The following FAM169A variants were observed in gnomAD, a reference collection of about 807,000 sequenced individuals.
The protein encoded by FAM169A is family with sequence similarity 169 member A.
In FAM169A, 24 loss-of-function variants were observed where a neutral mutation model predicts 75.7. The observed-to-expected ratio is 0.32, with a 90% CI of 0.23 to 0.45. The LOEUF (loss-of-function observed/expected upper bound fraction) is 0.45, where lower values mean the gene tolerates loss of function less well. Ranked by LOEUF, FAM169A falls within the 20% of genes least tolerant of loss-of-function variation. FAM169A has a pLI of 1.00. For missense variants in FAM169A, 673 were observed against 784.0 expected (o/e 0.86, Z 1.69); for synonymous variants, 271 against 271.0 (o/e 1.00, Z 0.00).
At chr5:74,830,656 A>C (rs1748265526) in intron 5 of FAM169A, among the ~76,000 whole-genome samples, 1 of 152,214 alleles carries the variant, frequency 6.6e-6, no homozygotes, top group Non-Finnish European at 1.5e-5. Flanking sequence ...TGTACCTGTC[A>C]CCATGACTAT....
At chr5:74,847,908 A>G (rs1212154615) in intron 1 of FAM169A, among the ~76,000 whole-genome samples, 1 of 152,198 alleles carries the variant, frequency 6.6e-6, no homozygotes, top group East Asian at 1.9e-4. Flanking sequence ...GAGTCTGACA[A>G]TTTAGATAAC....
chr5:74,811,844 T>G (rs1463735207), intron 6 of FAM169A, among the ~76,000 whole-genome samples: 1 of 152,136 alleles, frequency 6.6e-6, no homozygotes. Flanking sequence ...TAAAGATGAG[T>G]AAAGAAAGCA....
At chr5:74,841,256 C>T (rs1285905094) in intron 2 of FAM169A, among the ~76,000 whole-genome samples, 1 of 151,986 alleles carries the variant, frequency 6.6e-6, no homozygotes, top group Non-Finnish European at 1.5e-5. Flanking sequence ...TCACAAATTC[C>T]AAATCTAAAG....
chr5:74,799,253 A>C, intron 10 of FAM169A: 1 of 1,498,970 alleles, frequency 6.7e-7, no homozygotes, highest in Non-Finnish European at 9.3e-7. Flanking sequence ...GGTGTCTGGA[A>C]GCCAACACTG....
At chr5:74,795,289 T>C (rs1386431031) in intron 11 of FAM169A, among the ~76,000 whole-genome samples, 1 of 152,106 alleles carries the variant, frequency 6.6e-6, no homozygotes, top group Non-Finnish European at 1.5e-5. Flanking sequence ...ATTGGTAATA[T>C]AATTTCACTT....
chr5:74,785,137 G>A (rs7728581), intron 11 of FAM169A, among the ~76,000 whole-genome samples: 1,710 of 151,682 alleles, frequency 0.011, 22 homozygotes, highest in African/African-American at 0.039. Context: ...TGGCCAAGAT[G>A]GTGAAACCCC....
chr5:74,865,274 G>A (rs1750257389), intron 1 of FAM169A: 1 of 152,156 alleles, frequency 6.6e-6, no homozygotes, highest in Admixed American at 6.5e-5. Context: ...TTCCCTTCTG[G>A]AAATTTTTTA....
At chr5:74,799,965 A>G (rs910391479) in intron 10 of FAM169A, 2 of 812,176 alleles carry the variant, frequency 2.5e-6, no homozygotes, top group African/African-American at 1.7e-5. Context: ...GCTGCGCCAG[A>G]ATAGCATCAC....
Position 74,854,394 on chromosome 5 carries a change from CA to C in FAM169A, c.-4+11770del, listed in dbSNP as rs1749600728. Among the ~76,000 whole-genome samples, 4 of 131,754 alleles carry C rather than the reference CA, an allele frequency of 3.0e-5. No individual in the cohort carries two copies. The East Asian group carries it at 8.1e-4, about 27-fold the overall frequency. 86.4% of individuals were successfully genotyped at this position (131,754 alleles called of 152,430 possible). ...TGGGTGACACAGCGAGACTCCATCT[CA>C]AAAATAATAATAATAATAATAATAA... On this transcript the variant is annotated intron_variant, in intron 1 of 12. Transcript: ENST00000687041.
chr5:74,844,594 C>T (rs574971028), intron 1 of FAM169A, among the ~76,000 whole-genome samples: 15 of 152,186 alleles, frequency 9.9e-5, no homozygotes, highest in African/African-American at 2.6e-4. Context: ...CTGAGGCAGG[C>T]GGATCACAAG....
intron 1 of FAM169A, among the ~76,000 whole-genome samples, chr5:74,851,243 A>G (rs1166057736): frequency 1.3e-5 from 2 of 149,198 alleles, no homozygotes; most frequent in East Asian, 2.0e-4. Context: ...TCCTTCCTCC[A>G]GTAGCTCACT....
At chr5:74,789,667 G>A (rs1745875452) in intron 11 of FAM169A, among the ~76,000 whole-genome samples, 2 of 152,208 alleles carry the variant, frequency 1.3e-5, no homozygotes, top group African/African-American at 4.8e-5. Flanking sequence ...AGAAGCCTTT[G>A]GCAGGCCCCC....
At chr5:74,792,984 T>C (rs530207098) in intron 11 of FAM169A, among the ~76,000 whole-genome samples, 2 of 152,190 alleles carry the variant, frequency 1.3e-5, no homozygotes, top group South Asian at 4.2e-4. Context: ...CTGCAAAAAA[T>C]ATGGAACCAA....
At chr5:74,866,591 G>GCC (rs1414870690), upstream of FAM169A, 8 of 568,722 alleles carry the variant, frequency 1.4e-5, no homozygotes, top group South Asian at 2.3e-4. Context: ...CGCCACCCGC[G>GCC]CCCCCTCTCT....
At chr5:74,847,202 C>T (rs1749199767) in intron 1 of FAM169A, among the ~76,000 whole-genome samples, 1 of 152,152 alleles carries the variant, frequency 6.6e-6, no homozygotes, top group African/African-American at 2.4e-5. Context: ...CGTATACTCA[C>T]AATGTTGTGC....
chr5:74,853,644 C>T (rs1343047617), intron 1 of FAM169A, among the ~76,000 whole-genome samples: 3 of 151,858 alleles, frequency 2.0e-5, no homozygotes, highest in African/African-American at 7.3e-5. Flanking sequence ...GTTTTCAAAC[C>T]TTGCAATATA....
At chr5:74,782,209 T>C (rs1355911816) in intron 12 of FAM169A, among the ~76,000 whole-genome samples, 2 of 152,202 alleles carry the variant, frequency 1.3e-5, no homozygotes, top group African/African-American at 4.8e-5. Context: ...TTGTTTCACA[T>C]GGTAATTTTA....
At chr5:74,853,778 G>C (rs1749568769) in intron 1 of FAM169A, among the ~76,000 whole-genome samples, 3 of 145,222 alleles carry the variant, frequency 2.1e-5, no homozygotes, top group Admixed American at 1.4e-4. Context: ...CGCCATCTCG[G>C]CTCACTGCAA....
rs545467593 is a variant in FAM169A, at chr5:74,799,016, T to G, written c.1103+1864A>C. On this transcript the variant is annotated intron_variant, in intron 10 of 12. Transcript: ENST00000687041. ...ATAATGTCACTGCATCAGTTTTTAC[T>G]AGAGCCAATCAACTGTCGTGCCTGA... The G allele has an allele frequency of 1.2e-5, 14 of 1,196,846 alleles. No homozygotes were observed. The Admixed American group carries it at 2.4e-4, about 20-fold the overall frequency. 74.1% of individuals were successfully genotyped at this position (1,196,846 alleles called of 1,614,324 possible). A position where few individuals can be genotyped will look rare whatever the true frequency, so the allele number is the denominator to read the frequency against.
Sources: allele counts gnomAD v4.1 joint callset (sites outside exome capture counted in the v4.1 genomes callset), GRCh38; gene constraint gnomAD v4.1.1; transcripts MANE v1.5; gene names NCBI Gene and HGNC (gene_info 2026-07-23, HGNC 2026-07-21).